GLYATL1B: variants seen among roughly 807,000 people sequenced by gnomAD.
GLYATL1B encodes the protein putative glycine N-acyltransferase-like protein 1B.
Under a neutral mutation model 5.5 loss-of-function variants are expected in GLYATL1B, and 6 were observed. The observed-to-expected ratio is 1.09, with a 90% CI of 0.60 to 2.15. The LOEUF (loss-of-function observed/expected upper bound fraction) is 2.15, where lower values mean the gene tolerates loss of function less well. Ranked by LOEUF, GLYATL1B falls within the 30% of genes most tolerant of loss-of-function variation. The pLI is 0.00. For synonymous variants in GLYATL1B, 67 were observed against 34.9 expected, an observed-to-expected ratio of 1.92 and a Z score of -3.24; for missense variants, 135 against 94.1, an observed-to-expected ratio of 1.43 and a Z score of -1.80.
intron 1 of GLYATL1B, among the ~76,000 whole-genome samples, chr11:59,086,806 A>G (rs191979725): frequency 1.1e-4 from 17 of 152,300 alleles, no homozygotes; most frequent in Admixed American, 9.8e-4. Context: ...CATACAATAT[A>G]AGTGCTAAGT....
intron 2 of GLYATL1B, among the ~76,000 whole-genome samples, chr11:59,090,218 CA>C: frequency 6.6e-6 from 1 of 152,056 alleles, no homozygotes; most frequent in East Asian, 1.9e-4. Flanking sequence ...TCTAATAAAG[CA>C]AATCACCCTT....
At chr11:59,093,692 T>A in intron 3 of GLYATL1B, 37 bp downstream of exon 3, 1 of 466,376 alleles carries the variant, frequency 2.1e-6, no homozygotes, top group African/African-American at 2.0e-5. Context: ...CAGCTGTGCT[T>A]CTCAAATTGT....
rs190602286 is a variant in GLYATL1B at position 59,088,775 on chromosome 11, A to G, written c.186+1604A>G. On this transcript the variant is annotated intron_variant, in intron 2 of 4. Transcript: ENST00000527482. The stretch of plus-strand genomic sequence containing the variant: ...ATGCCACACATATATGACCAAAAAA[A>G]TGGAAAGAATGAAATATGCTGCAAT... Among the ~76,000 whole-genome samples the G allele has an allele frequency of 3.7e-4, 56 of 152,358 alleles. No homozygotes were observed. In the East Asian group the frequency reaches 0.01, roughly 28 times the overall value.
chr11:59,090,218 C>A (rs1408195904), intron 2 of GLYATL1B, among the ~76,000 whole-genome samples: 1 of 151,938 alleles, frequency 6.6e-6, no homozygotes, highest in Non-Finnish European at 1.5e-5. Flanking sequence ...TCTAATAAAG[C>A]AAATCACCCT....
At chr11:59,092,932 A>G (rs1859347978) in intron 2 of GLYATL1B, among the ~76,000 whole-genome samples, 1 of 152,228 alleles carries the variant, frequency 6.6e-6, no homozygotes, top group Non-Finnish European at 1.5e-5. Flanking sequence ...AGAACAATAT[A>G]GATTGTAGGT....
chr11:59,086,743 G>A (rs1286057786), intron 1 of GLYATL1B, among the ~76,000 whole-genome samples: 2 of 152,124 alleles, frequency 1.3e-5, no homozygotes, highest in Admixed American at 6.6e-5. Flanking sequence ...TTAATAAAAT[G>A]GGAATAATAT....
In GLYATL1B at chr11:59,093,655, G is replaced by A; in HGVS notation, c.313G>A (p.Gly105Ser). Residue 105 changes from glycine (G) to serine (S), a missense_variant and splice_region_variant, in exon 3 of 5, where the codon GGT becomes AGT. Coordinates refer to ENST00000527482, the MANE Select transcript of GLYATL1B (RefSeq NM_001355566.1). ...INWKQKLQIQGFQESLGEGIR... is the reference protein window; with the variant it reads ...INWKQKLQIQSFQESLGEGIR... ...CTGGAAACAGAAACTCCAAATCCAAGGTAACAAGTCTGAAGAAATGGGCAA... is the reference window on the plus strand; with the variant it reads ...CTGGAAACAGAAACTCCAAATCCAAAGTAACAAGTCTGAAGAAATGGGCAA... The A allele has an allele frequency of 3.9e-6, 2 of 507,496 alleles. No homozygotes were observed. Among genetic ancestry groups the A allele is most frequent in the Non-Finnish European group, 6.8e-6 (2 of 295,718 alleles). 31.4% of individuals were successfully genotyped at this position (507,496 alleles called of 1,614,324 possible). A position where few individuals can be genotyped will look rare whatever the true frequency, so the allele number is the denominator to read the frequency against.
intron 3 of GLYATL1B, 104 bp downstream of exon 3, chr11:59,093,759 T>A (rs897633904): frequency 9.1e-6 from 4 of 440,580 alleles, no homozygotes; most frequent in African/African-American, 2.0e-5. Flanking sequence ...GTAAATTCCT[T>A]GAAATTCTCA....
intron 2 of GLYATL1B, among the ~76,000 whole-genome samples, chr11:59,091,237 A>T (rs1859301806): frequency 6.6e-6 from 1 of 152,066 alleles, no homozygotes; most frequent in Non-Finnish European, 1.5e-5. Context: ...TGGCATTAGG[A>T]TATTTTCATC....
At chr11:59,092,360 T>C (rs1859332931) in intron 2 of GLYATL1B, among the ~76,000 whole-genome samples, 1 of 152,182 alleles carries the variant, frequency 6.6e-6, no homozygotes, top group Admixed American at 6.5e-5. Context: ...TGTTATTTTC[T>C]AGTCTACTTT....
chr11:59,088,893 T>A lies in GLYATL1B; in HGVS notation c.186+1722T>A, dbSNP rs550652852. 1.4e-3 allele frequency among the ~76,000 whole-genome samples: 214 copies of A among 152,344 alleles called. 5 individuals carry two copies. The South Asian group carries it at 0.041, about 29-fold the overall frequency. ...AATGCAATTTTGAAGAAGACCTTTT[T>A]AAGGTGAGATGCAGGAGAATTTCTC... On this transcript the variant is annotated intron_variant, in intron 2 of 4. Transcript: ENST00000527482.
chr11:59,091,544 C>T (rs554845599), intron 2 of GLYATL1B, among the ~76,000 whole-genome samples: 2 of 152,290 alleles, frequency 1.3e-5, no homozygotes, highest in African/African-American at 4.8e-5. Flanking sequence ...ACATTTATGT[C>T]CATGTATGTT....
chr11:59,092,800 C>G (rs1382071905), intron 2 of GLYATL1B, among the ~76,000 whole-genome samples: 1 of 152,176 alleles, frequency 6.6e-6, no homozygotes, highest in Non-Finnish European at 1.5e-5. Flanking sequence ...GGGCTTCTGG[C>G]TGTAAAGGCC....
intron 2 of GLYATL1B, among the ~76,000 whole-genome samples, chr11:59,088,559 C>G (rs1859240953): frequency 6.6e-6 from 1 of 152,146 alleles, no homozygotes; most frequent in South Asian, 2.1e-4. Context: ...CCAATTTCTT[C>G]AAAGTGTCAT....
At chr11:59,093,856 T>C (rs1859373430) in intron 3 of GLYATL1B, 78 bp from the exon 4 acceptor site, 1 of 543,210 alleles carries the variant, frequency 1.8e-6, no homozygotes, top group Non-Finnish European at 3.3e-6. Flanking sequence ...TACTAAGCAC[T>C]GAGGCATTAA....
chr11:59,093,805 A>C (rs1209719548), intron 3 of GLYATL1B, 129 bp from the exon 4 acceptor site: 2 of 452,116 alleles, frequency 4.4e-6, no homozygotes, highest in African/African-American at 4.1e-5. Flanking sequence ...TGGTGTGCCA[A>C]GGACTATAGC....
intron 1 of GLYATL1B, among the ~76,000 whole-genome samples, chr11:59,086,696 C>T (rs11229795): frequency 0.14 from 21,615 of 152,092 alleles, 1,660 homozygotes; most frequent in Non-Finnish European, 0.17. Context: ...TATCATTGTG[C>T]CTGTGCCTTT....
At chr11:59,090,626 T>C (rs1189630805) in intron 2 of GLYATL1B, among the ~76,000 whole-genome samples, 3 of 152,046 alleles carry the variant, frequency 2.0e-5, no homozygotes, top group African/African-American at 4.8e-5. Flanking sequence ...TTTCCAAATA[T>C]GTCACACTAT....
At chr11:59,093,419 G>A (rs1234752079) in intron 2 of GLYATL1B, 110 bp from the exon 3 acceptor site, 2 of 409,116 alleles carry the variant, frequency 4.9e-6, no homozygotes, top group African/African-American at 2.1e-5. Flanking sequence ...AGCCATCGTG[G>A]GCTAGTGCTA....
Sources: gnomAD v4.1 joint callset for allele counts (sites outside exome capture counted in the v4.1 genomes callset) on GRCh38, gnomAD v4.1.1 for gene constraint, MANE v1.5 for transcripts, NCBI Gene and HGNC (gene_info 2026-07-23, HGNC 2026-07-21) for gene names.